LRRC4C: variants seen among roughly 807,000 people sequenced by gnomAD.
The protein encoded by LRRC4C is leucine rich repeat containing 4C, also known as leucine-rich repeat-containing protein 4C.
LRRC4C carries 5 observed loss-of-function variants against 33.6 expected under a neutral mutation model. The ratio of observed to expected loss-of-function variants is 0.15; its 90% CI spans 0.08 to 0.31. The LOEUF is 0.31. LRRC4C is among the 10% of genes least tolerant of loss of function. LRRC4C has a pLI of 1.00. For synonymous variants in LRRC4C, 329 were observed against 302.0 expected, an observed-to-expected ratio of 1.09 and a Z score of -0.93; for missense variants, 560 against 796.7, an observed-to-expected ratio of 0.70 and a Z score of 3.58.
At chr11:41,425,492 T>G (rs1211686947) in intron 1 of LRRC4C, among the ~76,000 whole-genome samples, 1 of 152,096 alleles carries the variant, frequency 6.6e-6, no homozygotes, top group Admixed American at 6.5e-5. Context: ...TGTAAACATT[T>G]GGTTGCCAAT....
At chr11:41,004,102 A>G (rs1014009579) in intron 1 of LRRC4C, among the ~76,000 whole-genome samples, 1 of 152,248 alleles carries the variant, frequency 6.6e-6, no homozygotes, top group South Asian at 2.1e-4. Context: ...GTTCACTTCT[A>G]TTGTCAATAG....
intron 6 of LRRC4C, among the ~76,000 whole-genome samples, chr11:40,136,980 G>A (rs1786508285): frequency 2.6e-5 from 4 of 152,100 alleles, no homozygotes; most frequent in Admixed American, 2.6e-4. Flanking sequence ...TTTTTGTTTT[G>A]TTTTTGATTT....
At chr11:40,337,865 G>A (rs995878495) in intron 3 of LRRC4C, among the ~76,000 whole-genome samples, 4 of 151,964 alleles carry the variant, frequency 2.6e-5, no homozygotes, top group Admixed American at 6.6e-5. Context: ...CCCAGTGTGC[G>A]TTCTTCCCTT....
chr11:41,297,267 G>A (rs907195215), intron 1 of LRRC4C, among the ~76,000 whole-genome samples: 9 of 152,108 alleles, frequency 5.9e-5, no homozygotes, highest in African/African-American at 1.7e-4. Context: ...TTTTTGATGC[G>A]TTATTGGATT....
At chr11:40,650,073 G>C (rs925931373) in intron 2 of LRRC4C, among the ~76,000 whole-genome samples, 5 of 152,126 alleles carry the variant, frequency 3.3e-5, no homozygotes, top group Non-Finnish European at 7.4e-5. Flanking sequence ...AATGAAAAGA[G>C]TTATTTTGGC....
At chr11:41,399,676 T>C (rs1348142505) in intron 1 of LRRC4C, among the ~76,000 whole-genome samples, 1 of 151,990 alleles carries the variant, frequency 6.6e-6, no homozygotes, top group Non-Finnish European at 1.5e-5. Flanking sequence ...AAAACTTTAA[T>C]GTCAGTTTTT....
intron 5 of LRRC4C, among the ~76,000 whole-genome samples, chr11:40,194,542 T>G (rs532233841): frequency 2.3e-4 from 35 of 151,770 alleles, no homozygotes; most frequent in African/African-American, 6.5e-4. Flanking sequence ...ACACCACATG[T>G]TCTCACTCAT....
At chr11:40,679,666 G>C (rs1405118911) in intron 2 of LRRC4C, among the ~76,000 whole-genome samples, 1 of 152,208 alleles carries the variant, frequency 6.6e-6, no homozygotes, top group Admixed American at 6.5e-5. Context: ...CTTCCTCATA[G>C]TGTTGAGCCT....
chr11:40,949,670 A>C (rs1958599913), intron 1 of LRRC4C, among the ~76,000 whole-genome samples: 1 of 152,060 alleles, frequency 6.6e-6, no homozygotes, highest in African/African-American at 2.4e-5. Flanking sequence ...AAATGCTGAG[A>C]GATTTTGTCA....
chr11:41,082,570 A>G (rs890521644), intron 1 of LRRC4C, among the ~76,000 whole-genome samples: 2 of 152,164 alleles, frequency 1.3e-5, no homozygotes, highest in Non-Finnish European at 2.9e-5. Context: ...AATAATAAAA[A>G]AGAGGATTAT....
rs1044301675 is a variant in LRRC4C at position 40,919,882 on chromosome 11, GA to G, written c.-407+13752del. Reference sequence around the variant, plus strand: ...CATCTTTGCAAGGCATAAAAAAACAGAAAAAAATATTGTCAGACCAATAATT... The same window carrying G: ...CATCTTTGCAAGGCATAAAAAAACAGAAAAAATATTGTCAGACCAATAATT... On this transcript the variant is annotated intron_variant, in intron 2 of 6. Coordinates refer to ENST00000528697, the MANE Select transcript of LRRC4C (RefSeq NM_001258419.2). Among the ~76,000 whole-genome samples, 10 of 151,932 alleles carry G rather than the reference GA, an allele frequency of 6.6e-5. No individual in the cohort carries two copies. In the South Asian group the frequency reaches 8.3e-4, roughly 13 times the overall value.
intron 1 of LRRC4C, among the ~76,000 whole-genome samples, chr11:40,961,913 A>C (rs2136879012): frequency 6.6e-6 from 1 of 151,702 alleles, no homozygotes; most frequent in East Asian, 1.9e-4. Flanking sequence ...CCATGGGCCA[A>C]ATTTTGACAG....
intron 4 of LRRC4C, among the ~76,000 whole-genome samples, chr11:40,249,321 G>A (rs1320485943): frequency 1.3e-5 from 2 of 152,072 alleles, no homozygotes; most frequent in Admixed American, 6.6e-5. Flanking sequence ...CCTGGCCAGA[G>A]AGTGAGACTC....
At chr11:40,567,653 C>T (rs1004750657) in intron 3 of LRRC4C, among the ~76,000 whole-genome samples, 4 of 152,160 alleles carry the variant, frequency 2.6e-5, no homozygotes, top group African/African-American at 9.7e-5. Flanking sequence ...GTTTGACATA[C>T]ACTTACTAGA....
At chr11:41,364,132 G>A (rs1238928329) in intron 1 of LRRC4C, among the ~76,000 whole-genome samples, 1 of 152,076 alleles carries the variant, frequency 6.6e-6, no homozygotes, top group Non-Finnish European at 1.5e-5. Context: ...TGAGAGGTCC[G>A]TTACTTTGCA....
intron 1 of LRRC4C, among the ~76,000 whole-genome samples, chr11:41,106,701 G>T (rs767136496): frequency 6.6e-6 from 1 of 151,940 alleles, no homozygotes; most frequent in Non-Finnish European, 1.5e-5. Context: ...AGAATAGTAC[G>T]GGTTGAGTAT....
intron 3 of LRRC4C, among the ~76,000 whole-genome samples, chr11:40,466,336 GATACA>G (rs1482613289): frequency 4.0e-5 from 6 of 151,818 alleles, no homozygotes; most frequent in Non-Finnish European, 5.9e-5. Context: ...TCAGGTGATG[GATACA>G]ATACAAGACT....
chr11:41,368,165 C>T (rs1039532062), intron 1 of LRRC4C, among the ~76,000 whole-genome samples: 6 of 152,178 alleles, frequency 3.9e-5, no homozygotes, highest in South Asian at 2.1e-4. Context: ...TGGCAAATTT[C>T]GTTTCCTTTG....
At chr11:40,724,520 CA>C (rs1947191068) in intron 2 of LRRC4C, among the ~76,000 whole-genome samples, 1 of 151,850 alleles carries the variant, frequency 6.6e-6, no homozygotes, top group Non-Finnish European at 1.5e-5. Context: ...GCATAAACAA[CA>C]AAATTAAAGC....
Sources: allele counts gnomAD v4.1 joint callset (sites outside exome capture counted in the v4.1 genomes callset), GRCh38; gene constraint gnomAD v4.1.1; transcripts MANE v1.5; gene names NCBI Gene and HGNC (gene_info 2026-07-23, HGNC 2026-07-21).